Variants in VEGFD observed in about 807,000 individuals in gnomAD.
VEGFD encodes vascular endothelial growth factor D, also known as c-fos induced growth factor (vascular endothelial growth factor D).
VEGFD carries 26 observed loss-of-function variants against 28.0 expected under a neutral mutation model. The observed-to-expected ratio is 0.93, with a 90% CI of 0.68 to 1.29. VEGFD has a LOEUF of 1.29. VEGFD is among the 50% of genes most tolerant of loss of function. The probability of loss-of-function intolerance (pLI) is 0.00; values close to 1 mark genes in which losing one functional copy is unlikely to be tolerated. For missense variants in VEGFD, 294 were observed against 273.4 expected, an observed-to-expected ratio of 1.08 and a Z score of -0.53; for synonymous variants, 93 against 95.5, an observed-to-expected ratio of 0.97 and a Z score of 0.15.
chrX:15,351,867 C>A (rs754848164), intron 5 of VEGFD, among the ~76,000 whole-genome samples: 2 of 112,420 alleles, frequency 1.8e-5, no homozygotes, highest in Admixed American at 1.9e-4. Flanking sequence ...TTCTTTTTAT[C>A]TTTTTAATGT....
rs1308644017 is a variant in VEGFD, at chrX:15,368,152, GAGAA to G, written c.91-4837_91-4834del. Among the ~76,000 whole-genome samples the G allele has an allele frequency of 1.6e-3, 173 of 108,530 alleles. 2 individuals are homozygous for G. The highest frequency in any genetic ancestry group is 5.3e-3 in the African/African-American group (159 of 29,848). 94.2% of individuals were successfully genotyped at this position (108,530 alleles called of 115,157 possible). On this transcript the variant is annotated intron_variant, in intron 1 of 6. Coordinates refer to ENST00000297904, the MANE Select transcript of VEGFD (RefSeq NM_004469.5). ...AAGAGAAAGAAAGAAAGGAGAGAAA[GAGAA>G]AGAAAGAAAGAAAAGAAAGGAGAGA...
intron 1 of VEGFD, among the ~76,000 whole-genome samples, chrX:15,380,798 C>G (rs1923551519): frequency 8.9e-6 from 1 of 112,679 alleles, no homozygotes; most frequent in African/African-American, 3.2e-5. Flanking sequence ...TCCAGAGTGT[C>G]TACCACATTG....
chrX:15,349,212 A>G (rs181527954), intron 5 of VEGFD, among the ~76,000 whole-genome samples: 1 of 112,315 alleles, frequency 8.9e-6, no homozygotes, highest in East Asian at 2.8e-4. Context: ...AAAATTCGCA[A>G]TGATCACTAG....
intron 3 of VEGFD, among the ~76,000 whole-genome samples, chrX:15,357,402 C>T (rs1446772592): frequency 1.8e-5 from 2 of 111,346 alleles, no homozygotes; most frequent in African/African-American, 6.5e-5. Flanking sequence ...GCCCCTACTC[C>T]CTGCCAGGCT....
At chrX:15,365,323 G>T (rs1399543620) in intron 1 of VEGFD, among the ~76,000 whole-genome samples, 1 of 111,158 alleles carries the variant, frequency 9.0e-6, no homozygotes, top group African/African-American at 3.3e-5. Flanking sequence ...AGTAGAGATG[G>T]GGTTTCGCCA....
chrX:15,368,083 A>G (rs865994947), intron 1 of VEGFD, among the ~76,000 whole-genome samples: 35 of 99,280 alleles, frequency 3.5e-4, no homozygotes, highest in African/African-American at 1.1e-3. Flanking sequence ...AGAAAGAAAG[A>G]AAAGAAAGAA....
At position 15,355,254 on chromosome X, in the gene VEGFD, C is replaced by A. The variant is rs1190870529; in HGVS notation, c.537G>T (p.Val179=). The part of the protein sequence containing the change: ...SVPLTSVPEL[V]PVKVANHTGC... Reference sequence around the variant, plus strand: ...CTGTATGATTGGCAACTTTAACAGGCACTAATTCAGGTACTGATGTCAAAG... The same window carrying A: ...CTGTATGATTGGCAACTTTAACAGGAACTAATTCAGGTACTGATGTCAAAG... The change falls in exon 4 of 7, where the codon GTG becomes GTT. Residue 179 remains valine (V), a synonymous_variant. Coordinates refer to ENST00000297904, the MANE Select transcript of VEGFD (RefSeq NM_004469.5). 8.3e-7 allele frequency: 1 copy of A among 1,200,455 alleles called. No homozygotes were observed. Among genetic ancestry groups the A allele is most frequent in the Admixed American group, 2.2e-5 (1 of 44,864 alleles).
Position 15,363,220 on chromosome X carries a change from G to A in VEGFD, c.190C>T (p.Leu64=). The change falls in exon 2 of 7, where the codon CTG becomes TTG. Residue 64 remains leucine (L), a synonymous_variant. Coordinates refer to ENST00000297904, the MANE Select transcript of VEGFD (RefSeq NM_004469.5). ...LRITHSEDWK[L]WRCRLRLKSF... The stretch of plus-strand genomic sequence containing the variant: ...TTGAGCCTCAGCCTGCATCTCCACA[G>A]CTTCCAGTCCTCAGAGTGAGTAATT... The A allele has an allele frequency of 1.7e-6, 2 of 1,211,302 alleles. No homozygotes were observed. The highest frequency in any genetic ancestry group is 2.2e-6 in the Non-Finnish European group (2 of 895,009).
chrX:15,374,838 G>A (rs1327813285), intron 1 of VEGFD, among the ~76,000 whole-genome samples: 1 of 107,811 alleles, frequency 9.3e-6, no homozygotes, highest in Non-Finnish European at 1.9e-5. Flanking sequence ...ACTTCCTTAA[G>A]GCTTGGTTTC....
In VEGFD at chrX:15,383,940, T is replaced by C; in HGVS notation, c.7A>G (p.Arg3Gly). The C allele has an allele frequency of 8.4e-7, 1 of 1,188,249 alleles. No individual in the cohort carries two copies. Among genetic ancestry groups the C allele is most frequent in the African/African-American group, 1.7e-5 (1 of 57,439 alleles). MYREWVVVNVFMM... is the reference protein window; with the variant it reads MYGEWVVVNVFMM... ...AAAACATTCACCACTACCCACTCTC[T>C]GTACATTTTGAATATTTCAATATCC... is the stretch of plus-strand genomic sequence containing the variant. The change falls in exon 1 of 7, where the codon AGA becomes GGA. Residue 3 changes from arginine to glycine, a missense_variant. Transcript: ENST00000297904.
intron 1 of VEGFD, among the ~76,000 whole-genome samples, chrX:15,368,085 A>AG (rs1923216640): frequency 9.8e-6 from 1 of 101,949 alleles, no homozygotes; most frequent in African/African-American, 3.6e-5. Context: ...AAAGAAAGAA[A>AG]AGAAAGAAAG....
At chrX:15,362,502 G>A (rs938481855) in intron 2 of VEGFD, among the ~76,000 whole-genome samples, 1 of 110,334 alleles carries the variant, frequency 9.1e-6, no homozygotes, top group Admixed American at 9.6e-5. Flanking sequence ...CTGCAGCCTC[G>A]ACCTCCTGGG....
intron 5 of VEGFD, among the ~76,000 whole-genome samples, chrX:15,351,756 G>T (rs959808247): frequency 1.8e-5 from 2 of 112,527 alleles, no homozygotes; most frequent in African/African-American, 6.5e-5. Context: ...CACAAAGAAT[G>T]TAGGCTAGCT....
chrX:15,368,352 T>TA (rs917777074), intron 1 of VEGFD, among the ~76,000 whole-genome samples: 2 of 112,394 alleles, frequency 1.8e-5, no homozygotes, highest in Non-Finnish European at 3.8e-5. Flanking sequence ...TGCCTCATCA[T>TA]AAAAAATGCA....
rs200014482 is a variant in VEGFD at position 15,354,135 on chromosome X, A to AT, written c.642-968dup. ...AGGCACCCACCACCACACCCGGCTA[A>AT]TTTTTTTTTATATTTTTAGTAGAGA... On this transcript the variant is annotated intron_variant, in intron 4 of 6. Transcript: ENST00000297904. Among the ~76,000 whole-genome samples, 23 of 106,498 alleles carry AT rather than the reference A, an allele frequency of 2.2e-4. 1 individual carries two copies. In the East Asian group the frequency reaches 6.9e-3, roughly 32 times the overall value. 92.5% of individuals were successfully genotyped at this position (106,498 alleles called of 115,157 possible).
chrX:15,376,757 G>A (rs1057242311), intron 1 of VEGFD, among the ~76,000 whole-genome samples: 2 of 111,661 alleles, frequency 1.8e-5, no homozygotes, highest in Admixed American at 9.5e-5. Flanking sequence ...TATAAACGAA[G>A]CACACCATTG....
At chrX:15,354,032 G>C (rs968205921) in intron 4 of VEGFD, among the ~76,000 whole-genome samples, 23 of 108,138 alleles carry the variant, frequency 2.1e-4, no homozygotes, top group Admixed American at 7.9e-4. Flanking sequence ...GCAGTGGCGC[G>C]ATCTCGGCTC....
At chrX:15,381,021 C>T (rs60090557) in intron 1 of VEGFD, among the ~76,000 whole-genome samples, 3 of 112,411 alleles carry the variant, frequency 2.7e-5, no homozygotes, top group African/African-American at 6.5e-5. Flanking sequence ...TAGAGGAAAA[C>T]GTGTTCTTCT....
intron 1 of VEGFD, 60 bp from the exon 2 acceptor site, chrX:15,363,379 T>TGACA: frequency 1.1e-6 from 1 of 946,687 alleles, no homozygotes; most frequent in Non-Finnish European, 1.5e-6. Flanking sequence ...TTTGTCATAA[T>TGACA]AATCTTCATT....
Sources: gnomAD v4.1 joint callset for allele counts (sites outside exome capture counted in the v4.1 genomes callset) on GRCh38, gnomAD v4.1.1 for gene constraint, MANE v1.5 for transcripts, NCBI Gene and HGNC (gene_info 2026-07-23, HGNC 2026-07-21) for gene names.